SCCPDH: variants seen among roughly 807,000 people sequenced by gnomAD.
The protein encoded by SCCPDH is saccharopine dehydrogenase-like oxidoreductase.
Under a neutral mutation model 51.5 loss-of-function variants are expected in SCCPDH, and 34 were observed. That is an observed-to-expected ratio of 0.66 (90% CI 0.50 to 0.88). The LOEUF (loss-of-function observed/expected upper bound fraction) is 0.88. SCCPDH is among the 40% of genes least tolerant of loss of function. The pLI is 0.00. For missense variants in SCCPDH, 464 were observed against 527.1 expected (o/e 0.88, Z 1.17); for synonymous variants, 187 against 191.3 (o/e 0.98, Z 0.19).
At chr1:246,746,402 A>G (rs1668762531) in intron 5 of SCCPDH, among the ~76,000 whole-genome samples, 2 of 152,184 alleles carry the variant, frequency 1.3e-5, no homozygotes, top group African/African-American at 4.8e-5. Context: ...GGTCAGGTCA[A>G]GGGTCAATCT....
At chr1:246,752,639 C>T (rs917895926) in intron 5 of SCCPDH, among the ~76,000 whole-genome samples, 13 of 151,902 alleles carry the variant, frequency 8.6e-5, no homozygotes, top group Non-Finnish European at 1.6e-4. Context: ...TAACACGAAT[C>T]GGAGGAATCT....
chr1:246,751,319 G>C (rs1177628464), intron 5 of SCCPDH, among the ~76,000 whole-genome samples: 1 of 152,104 alleles, frequency 6.6e-6, no homozygotes, highest in Non-Finnish European at 1.5e-5. Context: ...TAAAGAACAG[G>C]TTAGTACTTT....
At chr1:246,758,939 C>T (rs1429770895) in intron 6 of SCCPDH, 95 bp from the exon 7 acceptor site, 3 of 795,020 alleles carry the variant, frequency 3.8e-6, no homozygotes, top group Admixed American at 3.5e-5. Flanking sequence ...CAGGCATGAG[C>T]CACCATGCCC....
intron 11 of SCCPDH, among the ~76,000 whole-genome samples, 162 bp downstream of exon 11, chr1:246,766,301 T>G (rs191958964): frequency 6.6e-6 from 1 of 152,336 alleles, no homozygotes; most frequent in East Asian, 1.9e-4. Flanking sequence ...AAGGACAGCT[T>G]CTTACCAGCC....
chr1:246,762,841 CAAAAAA>C (rs35066232), intron 9 of SCCPDH, among the ~76,000 whole-genome samples: 3 of 90,934 alleles, frequency 3.3e-5, no homozygotes, highest in Admixed American at 1.2e-4. Flanking sequence ...ATTCCTTCTC[CAAAAAA>C]AAAAAAAAAA....
chr1:246,733,150 G>C (rs528664065), intron 2 of SCCPDH, among the ~76,000 whole-genome samples: 1 of 151,920 alleles, frequency 6.6e-6, no homozygotes, highest in Non-Finnish European at 1.5e-5. Flanking sequence ...AGAGTGGCAC[G>C]AACACAGCTC....
chr1:246,744,318 A>AT (rs1477153105), intron 5 of SCCPDH, among the ~76,000 whole-genome samples, 193 bp downstream of exon 5: 1 of 151,340 alleles, frequency 6.6e-6, no homozygotes, highest in African/African-American at 2.4e-5. Flanking sequence ...ATTTTATTTT[A>AT]TTTATTTATT....
At position 246,737,457 on chromosome 1, in the gene SCCPDH, G is replaced by C. The variant is rs577433428; in HGVS notation, c.384+1402G>C. 1.6e-3 allele frequency among the ~76,000 whole-genome samples: 238 copies of C among 152,096 alleles called. 1 individual carries two copies. Among genetic ancestry groups the C allele is most frequent in the African/African-American group, 5.6e-3 (231 of 41,490 alleles). On this transcript the variant is annotated intron_variant, in intron 3 of 11. Coordinates refer to ENST00000366510, the MANE Select transcript of SCCPDH (RefSeq NM_016002.3). ...TGATCATGCCACTGCACTCCAGCCT[G>C]GGCAACATAGTGAGACCCTGTCTCC...
At chr1:246,749,662 C>T (rs1218582108) in intron 5 of SCCPDH, among the ~76,000 whole-genome samples, 4 of 152,146 alleles carry the variant, frequency 2.6e-5, no homozygotes, top group Non-Finnish European at 4.4e-5. Flanking sequence ...TGGGGCCGTC[C>T]GTCCTTGCTC....
intron 4 of SCCPDH, among the ~76,000 whole-genome samples, chr1:246,742,651 A>G (rs1193061141): frequency 6.6e-6 from 1 of 152,176 alleles, no homozygotes; most frequent in East Asian, 1.9e-4. Flanking sequence ...CTTCTGCTGC[A>G]ACAGCTTTGT....
At chr1:246,752,040 A>G (rs1398730511) in intron 5 of SCCPDH, among the ~76,000 whole-genome samples, 1 of 150,564 alleles carries the variant, frequency 6.6e-6, no homozygotes, top group African/African-American at 2.5e-5. Flanking sequence ...TCGGCCTCCC[A>G]AAGTGCTGGG....
intron 5 of SCCPDH, 114 bp downstream of exon 5, chr1:246,744,239 T>G: frequency 2.1e-6 from 1 of 482,934 alleles, no homozygotes; most frequent in Non-Finnish European, 3.7e-6. Flanking sequence ...GTCACCATGT[T>G]TAATTTTTAA....
chr1:246,763,370 G>A (rs1669046487), intron 9 of SCCPDH, among the ~76,000 whole-genome samples: 1 of 152,178 alleles, frequency 6.6e-6, no homozygotes, highest in East Asian at 1.9e-4. Context: ...TGGGACAGGT[G>A]TGGCATGTGT....
At chr1:246,767,127 T>G in intron 11 of SCCPDH, 68 bp from the exon 12 acceptor site, 18 of 1,049,306 alleles carry the variant, frequency 1.7e-5, no homozygotes, top group Non-Finnish European at 2.3e-5. Flanking sequence ...AATTTGATAG[T>G]GAGGCCTGTG....
chr1:246,747,166 T>C (rs1158883468), intron 5 of SCCPDH, among the ~76,000 whole-genome samples: 1 of 152,184 alleles, frequency 6.6e-6, no homozygotes, highest in East Asian at 1.9e-4. Context: ...TTTTGTCTCT[T>C]TCTTTTCTTC....
intron 4 of SCCPDH, among the ~76,000 whole-genome samples, chr1:246,741,929 C>G (rs147011376): frequency 6.6e-6 from 1 of 152,056 alleles, no homozygotes; most frequent in Admixed American, 6.5e-5. Context: ...ATTAGCTGGT[C>G]GTGGTGATGT....
chr1:246,729,880 T>C (rs561996710), intron 2 of SCCPDH, among the ~76,000 whole-genome samples: 66 of 152,280 alleles, frequency 4.3e-4, no homozygotes, highest in Admixed American at 6.5e-5. Flanking sequence ...ATCTTCACAG[T>C]TTATGTTCTT....
chr1:246,728,359 T>C (rs916321193), intron 2 of SCCPDH, among the ~76,000 whole-genome samples: 7 of 152,242 alleles, frequency 4.6e-5, no homozygotes, highest in Non-Finnish European at 8.8e-5. Flanking sequence ...ACTGCTGCAC[T>C]CTATAATGGA....
chr1:246,763,346 G>A (rs1332106511), intron 9 of SCCPDH, among the ~76,000 whole-genome samples: 8 of 152,166 alleles, frequency 5.3e-5, no homozygotes, highest in African/African-American at 9.7e-5. Context: ...TAGTGTGGGC[G>A]CCATAGCAGG....
Sources: allele counts gnomAD v4.1 joint callset (sites outside exome capture counted in the v4.1 genomes callset), GRCh38; gene constraint gnomAD v4.1.1; transcripts MANE v1.5; gene names NCBI Gene and HGNC (gene_info 2026-07-23, HGNC 2026-07-21).